Variants in KATNAL2 observed in about 807,000 individuals in gnomAD.
KATNAL2 encodes the protein katanin catalytic subunit A1 like 2.
In KATNAL2, 52 loss-of-function variants were observed where a neutral mutation model predicts 76.3. That is an observed-to-expected ratio of 0.68 (90% CI 0.55 to 0.86). The LOEUF (loss-of-function observed/expected upper bound fraction) is 0.86. Ranked by LOEUF, KATNAL2 falls within the 40% of genes least tolerant of loss-of-function variation. The pLI, the probability that KATNAL2 is intolerant of heterozygous loss-of-function variation, is 0.00. For synonymous variants in KATNAL2, 243 were observed against 244.2 expected, an observed-to-expected ratio of 1.00 and a Z score of 0.05; for missense variants, 660 against 668.9, an observed-to-expected ratio of 0.99 and a Z score of 0.15.
At chr18:46,948,465 C>T (rs1375787563) in intron 3 of KATNAL2, among the ~76,000 whole-genome samples, 2 of 148,022 alleles carry the variant, frequency 1.4e-5, no homozygotes, top group Admixed American at 6.8e-5. Flanking sequence ...GCTCTTGTTG[C>T]CCGGGCTGGA....
rs372021769 is a variant in KATNAL2, at chr18:47,058,312, C to G, written c.410C>G (p.Thr137Arg). The change falls in exon 7 of 18, where the codon ACA (threonine) becomes AGA (arginine). Residue 137 changes from threonine (T) to arginine (R), a missense_variant. By Grantham distance (71) the Thr-to-Arg change is moderately conservative (BLOSUM62 -1). Coordinates refer to ENST00000683218, the MANE Select transcript of KATNAL2 (RefSeq NM_001387690.1). ...RPRSKTTAGKTGDTKSLNKEH... is the reference protein window; with the variant it reads ...RPRSKTTAGKRGDTKSLNKEH... Reference sequence around the variant, plus strand: ...CGGTCCAAAACCACAGCGGGGAAGACAGGGGACACCAAATCGCTCAATAAG... The same window carrying G: ...CGGTCCAAAACCACAGCGGGGAAGAGAGGGGACACCAAATCGCTCAATAAG... The G allele has an allele frequency of 1.9e-6, 3 of 1,613,812 alleles. No homozygotes were observed. Among genetic ancestry groups the G allele is most frequent in the African/African-American group, 2.7e-5 (2 of 74,914 alleles).
In KATNAL2 at chr18:47,102,028, A is replaced by G. The variant is rs1364065691; in HGVS notation, c.*1023A>G. On this transcript the variant is annotated 3_prime_UTR_variant, in exon 18 of 18. Transcript: ENST00000683218. ...CCTTGTCTTCATCATCCCTGCAGAC[A>G]GACTCTTCAAGAGGAAAAACCTCCA... is the stretch of plus-strand genomic sequence containing the variant. 6.6e-6 allele frequency: 1 copy of G among 152,214 alleles called. No individual in the cohort carries two copies. Among genetic ancestry groups the G allele is most frequent in the Non-Finnish European group, 1.5e-5 (1 of 68,048 alleles). The allele number at this position is 152,214 out of a possible 1,614,324, so 9.4% of individuals were successfully genotyped here.
At chr18:47,082,595 A>G (rs573046590) in intron 15 of KATNAL2, among the ~76,000 whole-genome samples, 2 of 152,266 alleles carry the variant, frequency 1.3e-5, no homozygotes, top group South Asian at 4.1e-4. Flanking sequence ...AATCTTTTCA[A>G]ATAAGTATAT....
intron 3 of KATNAL2, among the ~76,000 whole-genome samples, chr18:47,041,528 G>C (rs992851259): frequency 1.3e-5 from 2 of 152,116 alleles, no homozygotes; most frequent in Non-Finnish European, 2.9e-5. Flanking sequence ...TTCATGGCTT[G>C]ATAGCTCATT....
intron 3 of KATNAL2, among the ~76,000 whole-genome samples, chr18:47,031,654 T>C (rs2060456007): frequency 6.6e-6 from 1 of 152,182 alleles, no homozygotes; most frequent in African/African-American, 2.4e-5. Flanking sequence ...ATGAGGATTA[T>C]TTTAGTAGAG....
At chr18:46,925,173 G>A (rs914963632) in intron 1 of KATNAL2, among the ~76,000 whole-genome samples, 13 of 152,140 alleles carry the variant, frequency 8.5e-5, no homozygotes, top group African/African-American at 3.1e-4. Flanking sequence ...TTTTCAAAGG[G>A]AATGCTCCAG....
chr18:47,075,283 T>C lies in KATNAL2; in HGVS notation c.1015T>C (p.Phe339Leu), dbSNP rs762356144. 3.2e-6 allele frequency: 5 copies of C among 1,554,430 alleles called. No individual in the cohort carries two copies. The highest frequency in any genetic ancestry group is 2.1e-5 in the Admixed American group (1 of 47,718). ...GDSEKLVRVL[F>L]ELARYHAPST... ...TTGCTTTTCCCCCACCCAGGTGTTA[T>C]TTGAGCTTGCCCGCTACCACGCCCC... Residue 339 changes from phenylalanine to leucine, a missense_variant, in exon 14 of 18, where the codon TTT (phenylalanine) becomes CTT (leucine). By Grantham distance (22) the Phe-to-Leu change is conservative (BLOSUM62 0). Transcript: ENST00000683218.
rs115186999 is a variant in KATNAL2 at position 47,097,367 on chromosome 18, A to C, written c.1212-1876A>C. On this transcript the variant is annotated intron_variant, in intron 15 of 17. Transcript: ENST00000683218. ...AGTTCCATGGCCACCAGAAAATCAA[A>C]CACCACACCGACAGTGAGATACACA... 5.8e-3 allele frequency among the ~76,000 whole-genome samples: 884 copies of C among 152,296 alleles called. 8 individuals are homozygous for C. The highest frequency in any genetic ancestry group is 0.02 in the African/African-American group (826 of 41,568).
At chr18:47,099,508 GAAT>G (rs1599899646) in intron 16 of KATNAL2, 103 bp downstream of exon 16, 10 of 1,141,274 alleles carry the variant, frequency 8.8e-6, no homozygotes, top group Non-Finnish European at 1.2e-5. Context: ...GAGACACTTA[GAAT>G]AAGATCCAAG....
rs553001260 is a variant in KATNAL2, at chr18:46,920,203, G to A, written c.-510+2277G>A. The A allele has an allele frequency of 9.6e-4, 512 of 530,746 alleles. 1 individual carries two copies. Among genetic ancestry groups the A allele is most frequent in the Non-Finnish European group, 1.6e-3 (467 of 295,310 alleles). The allele number at this position is 530,746 out of a possible 1,614,324, so 32.9% of individuals were successfully genotyped here. On this transcript the variant is annotated intron_variant, in intron 1 of 17. Coordinates refer to ENST00000683218, the MANE Select transcript of KATNAL2 (RefSeq NM_001387690.1). ...GGCCTGAGTCATTAAGGACTGTTATGTCATTCTGGCCACAGTATTAGATCA... is the reference window on the plus strand; with the variant it reads ...GGCCTGAGTCATTAAGGACTGTTATATCATTCTGGCCACAGTATTAGATCA...
intron 3 of KATNAL2, among the ~76,000 whole-genome samples, chr18:46,953,786 C>T (rs2059640106): frequency 2.0e-5 from 3 of 151,962 alleles, no homozygotes; most frequent in African/African-American, 4.8e-5. Flanking sequence ...AAATGAGACA[C>T]CTAAAATTTA....
chr18:47,053,848 T>C (rs1171358252), intron 5 of KATNAL2, among the ~76,000 whole-genome samples: 1 of 152,188 alleles, frequency 6.6e-6, no homozygotes, highest in Non-Finnish European at 1.5e-5. Flanking sequence ...TGGTTAGATG[T>C]GGGCCTTGAA....
chr18:47,063,137 AT>A, intron 9 of KATNAL2, 67 bp downstream of exon 9: 2 of 1,501,580 alleles, frequency 1.3e-6, no homozygotes, highest in Non-Finnish European at 1.9e-6. Context: ...TGGAAATATA[AT>A]TTTGAGTACA....
chr18:46,968,897 AT>A, intron 3 of KATNAL2: 1 of 658,568 alleles, frequency 1.5e-6, no homozygotes, highest in Non-Finnish European at 2.2e-6. Flanking sequence ...GGCTGGCTCC[AT>A]CTCTCCATTT....
At chr18:47,052,180 C>G (rs1253120471) in intron 4 of KATNAL2, among the ~76,000 whole-genome samples, 1 of 152,180 alleles carries the variant, frequency 6.6e-6, no homozygotes, top group Non-Finnish European at 1.5e-5. Flanking sequence ...GCCCTTGCTT[C>G]CAGTGCTAAG....
chr18:46,961,779 A>C (rs1373338192), intron 3 of KATNAL2, among the ~76,000 whole-genome samples: 1 of 152,120 alleles, frequency 6.6e-6, no homozygotes, highest in African/African-American at 2.4e-5. Context: ...AGGCCAGTCT[A>C]TTTTGATAAA....
intron 15 of KATNAL2, chr18:47,099,001 T>G: frequency 2.7e-6 from 1 of 370,954 alleles, no homozygotes; most frequent in Non-Finnish European, 4.8e-6. Flanking sequence ...CCTTCCTTCC[T>G]TCTCTTTCTT....
rs202080899 is a variant in KATNAL2 at position 47,067,127 on chromosome 18, C to T, written c.825+8C>T. 2.7e-4 allele frequency: 395 copies of T among 1,460,550 alleles called. 2 individuals are homozygous for T. In the African/African-American group the frequency reaches 3.9e-3, roughly 14 times the overall value. 90.5% of individuals were successfully genotyped at this position (1,460,550 alleles called of 1,614,324 possible). A position where few individuals can be genotyped will look rare whatever the true frequency, so the allele number is the denominator to read the frequency against. ...GTTGTGTATCCTATAAGGGTAAGGA[C>T]GGGAAGCCTCTTGGGGGTTATTTCT... On this transcript the variant is annotated splice_region_variant and intron_variant, in intron 11 of 17. Coordinates refer to ENST00000683218, the MANE Select transcript of KATNAL2 (RefSeq NM_001387690.1).
chr18:46,946,278 C>T lies in KATNAL2; in HGVS notation c.-288C>T. On this transcript the variant is annotated 5_prime_UTR_variant, in exon 2 of 18. Coordinates refer to ENST00000683218, the MANE Select transcript of KATNAL2 (RefSeq NM_001387690.1). ...TTTTCCACGTCTAATGAGAACAGGT[C>T]TGATGTGAAAGGAATTGGAGGAGAA... 1 of 1,083,626 alleles carries T rather than the reference C, an allele frequency of 9.2e-7. No individual in the cohort carries two copies. The highest frequency in any genetic ancestry group is 1.1e-6 in the Non-Finnish European group (1 of 884,972). The allele number at this position is 1,083,626 out of a possible 1,614,324, so 67.1% of individuals were successfully genotyped here.
Sources: gnomAD v4.1 joint callset for allele counts (sites outside exome capture counted in the v4.1 genomes callset) on GRCh38, gnomAD v4.1.1 for gene constraint, MANE v1.5 for transcripts, NCBI Gene and HGNC (gene_info 2026-07-23, HGNC 2026-07-21) for gene names.